Variants in ZNF787 observed in about 807,000 individuals in gnomAD.
ZNF787 encodes the protein zinc finger protein 787.
Under a neutral mutation model 16.9 loss-of-function variants are expected in ZNF787, and 7 were observed. That is an observed-to-expected ratio of 0.42 (90% CI 0.24 to 0.78). The LOEUF is 0.78. Among genes scored for constraint, ZNF787 ranks in the 30% least tolerant of loss-of-function variants. The pLI is 0.30. For missense variants in ZNF787, 551 were observed against 589.3 expected (o/e 0.94, Z 0.67); for synonymous variants, 345 against 270.9 (o/e 1.27, Z -2.69).
intron 1 of ZNF787, among the ~76,000 whole-genome samples, chr19:56,105,087 T>A (rs1986250318): frequency 6.6e-6 from 1 of 151,660 alleles, no homozygotes; most frequent in Admixed American, 6.6e-5. Flanking sequence ...GAGATCACAC[T>A]CCAGCCTGGG....
chr19:56,087,727 T>G lies in ZNF787; in HGVS notation c.*296A>C. The G allele has an allele frequency of 4.2e-6, 1 of 238,070 alleles. No homozygotes were observed. The highest frequency in any genetic ancestry group is 5.9e-5 in the Admixed American group (1 of 16,840). 14.7% of individuals were successfully genotyped at this position (238,070 alleles called of 1,614,324 possible). A position where few individuals can be genotyped will look rare whatever the true frequency, so the allele number is the denominator to read the frequency against. On this transcript the variant is annotated 3_prime_UTR_variant, in exon 3 of 3. Transcript: ENST00000610935. ...GGAAAATGGCCTTCCGCTTGGGGCC[T>G]GGTCGCCACTCGGCCTCTGCAGTTC...
chr19:56,097,509 C>T (rs761515671), intron 2 of ZNF787, among the ~76,000 whole-genome samples: 11 of 152,242 alleles, frequency 7.2e-5, no homozygotes, highest in Non-Finnish European at 1.2e-4. Flanking sequence ...CTCAGCCCGG[C>T]AGGCAGTAGG....
chr19:56,108,909 G>A (rs770820344), intron 1 of ZNF787, among the ~76,000 whole-genome samples: 1 of 152,096 alleles, frequency 6.6e-6, no homozygotes, highest in East Asian at 1.9e-4. Flanking sequence ...AGAGGCTACC[G>A]ACAGGAAAGC....
chr19:56,105,098 C>T lies in ZNF787; in HGVS notation c.-10-1871G>A, dbSNP rs139685229. ...AGGAGAGATCACACTCCAGCCTGGG[C>T]GACAGAGCAAGACTCTGTCTCAAAA... On this transcript the variant is annotated intron_variant, in intron 1 of 2. Coordinates refer to ENST00000610935, the MANE Select transcript of ZNF787 (RefSeq NM_001002836.4). Among the ~76,000 whole-genome samples the T allele has an allele frequency of 6.0e-4, 91 of 151,702 alleles. 2 individuals are homozygous for T. The East Asian group carries it at 0.016, about 27-fold the overall frequency.
chr19:56,118,087 T>C (rs1343381419), intron 1 of ZNF787, among the ~76,000 whole-genome samples: 1 of 152,228 alleles, frequency 6.6e-6, no homozygotes, highest in Non-Finnish European at 1.5e-5. Flanking sequence ...CCGCCCCACC[T>C]GGGCTCAGAG....
At chr19:56,119,601 G>C (rs971291992) in intron 1 of ZNF787, among the ~76,000 whole-genome samples, 4 of 152,234 alleles carry the variant, frequency 2.6e-5, no homozygotes, top group African/African-American at 9.6e-5. Context: ...CCACGAAGGT[G>C]AGTGGTGGGG....
At chr19:56,094,356 TAG>T (rs1475758215) in intron 2 of ZNF787, among the ~76,000 whole-genome samples, 2 of 150,996 alleles carry the variant, frequency 1.3e-5, no homozygotes, top group Non-Finnish European at 3.0e-5. Context: ...GTGCTCTTAG[TAG>T]AGACAGGGTT....
At position 56,087,932 on chromosome 19, in the gene ZNF787, G is replaced by T; in HGVS notation, c.*91C>A. 1.6e-6 allele frequency: 2 copies of T among 1,287,072 alleles called. No individual in the cohort carries two copies. Among genetic ancestry groups the T allele is most frequent in the African/African-American group, 1.6e-5 (1 of 63,162 alleles). 79.7% of individuals were successfully genotyped at this position (1,287,072 alleles called of 1,614,324 possible). A position where few individuals can be genotyped will look rare whatever the true frequency, so the allele number is the denominator to read the frequency against. On this transcript the variant is annotated 3_prime_UTR_variant, in exon 3 of 3. Transcript: ENST00000610935. ...GATGCCGCGGGGTCCATCGCACCCC[G>T]TCCGCTTCTCCCTGGGTCTCTTGGT...
At chr19:56,112,559 C>A (rs1292514985) in intron 1 of ZNF787, among the ~76,000 whole-genome samples, 1 of 149,846 alleles carries the variant, frequency 6.7e-6, no homozygotes. Flanking sequence ...ACCTCCTCCT[C>A]CCCCCGCACT....
chr19:56,099,358 A>G (rs1054285821), intron 2 of ZNF787, among the ~76,000 whole-genome samples: 11 of 152,184 alleles, frequency 7.2e-5, no homozygotes, highest in Non-Finnish European at 7.3e-5. Flanking sequence ...GGGAGGGGAC[A>G]TGGGGACATT....
rs1023296600 is a variant in ZNF787, at chr19:56,087,769, G to A, written c.*254C>T. On this transcript the variant is annotated 3_prime_UTR_variant, in exon 3 of 3. Transcript: ENST00000610935. ...CTGCAGTTCTCTCCATTGTCTCTCC[G>A]GCTCGCAGGCCGATAACTTAGGAAG... The A allele has an allele frequency of 7.1e-5, 32 of 453,614 alleles. No homozygotes were observed. Among genetic ancestry groups the A allele is most frequent in the Non-Finnish European group, 8.6e-5 (26 of 301,038 alleles). 28.1% of individuals were successfully genotyped at this position (453,614 alleles called of 1,614,324 possible). A position where few individuals can be genotyped will look rare whatever the true frequency, so the allele number is the denominator to read the frequency against.
At chr19:56,109,904 G>A (rs1308142919) in intron 1 of ZNF787, among the ~76,000 whole-genome samples, 4 of 151,966 alleles carry the variant, frequency 2.6e-5, no homozygotes, top group South Asian at 4.2e-4. Flanking sequence ...AATAACATTC[G>A]TAAGCTTTTC....
chr19:56,102,762 C>G, intron 2 of ZNF787: 1 of 606,866 alleles, frequency 1.6e-6, no homozygotes, highest in South Asian at 2.0e-5. Context: ...CAGGGAGGGC[C>G]ACAGGCCCGC....
intron 1 of ZNF787, among the ~76,000 whole-genome samples, chr19:56,115,558 C>T (rs1463263798): frequency 6.6e-6 from 1 of 152,028 alleles, no homozygotes; most frequent in African/African-American, 2.4e-5. Context: ...CGGGGATTCA[C>T]CATGTTAGCC....
Position 56,088,994 on chromosome 19 carries a change from G to T in ZNF787, c.178C>A (p.Pro60Thr), listed in dbSNP as rs1295975614. 1.3e-6 allele frequency: 2 copies of T among 1,496,276 alleles called. No individual in the cohort carries two copies. The highest frequency in any genetic ancestry group is 4.7e-5 in the Admixed American group (2 of 42,510). The allele number at this position is 1,496,276 out of a possible 1,614,324, so 92.7% of individuals were successfully genotyped here. ...CAGATGTAGGGGGCGGGCGGCCGCG[G>T]CCGGGGAGGCGGGCCGGCTGGGGGC... ...SAPPAGPPPR[P>T]RPPAPYICNE... The change falls in exon 3 of 3, where the codon CCG (proline) becomes ACG (threonine). Residue 60 changes from proline (P) to threonine (T), a missense_variant. This residue lies in a region of ZNF787 where 80 missense variants were observed against 105.9 expected (regional missense o/e 0.76). Coordinates refer to ENST00000610935, the MANE Select transcript of ZNF787 (RefSeq NM_001002836.4). This position sits in a 1 kb window ranked among gnomAD's most constrained non-coding sequence, Gnocchi z 8.6.
intron 2 of ZNF787, among the ~76,000 whole-genome samples, chr19:56,097,639 C>T (rs56676092): frequency 0.022 from 3,304 of 152,348 alleles, 114 homozygotes; most frequent in African/African-American, 0.075. Flanking sequence ...ATTTTGGTCT[C>T]CTATAAAATC....
chr19:56,116,739 GCA>G (rs1200645231), intron 1 of ZNF787, among the ~76,000 whole-genome samples: 1 of 152,036 alleles, frequency 6.6e-6, no homozygotes, highest in Non-Finnish European at 1.5e-5. Context: ...CGGGGCCTTT[GCA>G]CAGTCCCTTC....
rs1324139482 is a variant in ZNF787 at position 56,106,947 on chromosome 19, GAAC to G, written c.-10-3723_-10-3721del. Among the ~76,000 whole-genome samples, 9 of 152,360 alleles carry G rather than the reference GAAC, an allele frequency of 5.9e-5. No homozygotes were observed. The East Asian group carries it at 1.7e-3, about 29-fold the overall frequency. Reference sequence around the variant, plus strand: ...AGAAGCTCACCACTATCCAGGTACAGAACGGAGCCAGCCCCACTGCAGGGTGCT... The same window carrying G: ...AGAAGCTCACCACTATCCAGGTACAGGGAGCCAGCCCCACTGCAGGGTGCT... On this transcript the variant is annotated intron_variant, in intron 1 of 2. Coordinates refer to ENST00000610935, the MANE Select transcript of ZNF787 (RefSeq NM_001002836.4).
chr19:56,112,202 A>G (rs1445674745), intron 1 of ZNF787, among the ~76,000 whole-genome samples: 1 of 152,048 alleles, frequency 6.6e-6, no homozygotes, highest in Non-Finnish European at 1.5e-5. Flanking sequence ...TCCCTAGGAG[A>G]AGGCCCCCCA....
Sources: gnomAD v4.1 joint callset for allele counts (sites outside exome capture counted in the v4.1 genomes callset) on GRCh38, gnomAD v4.1.1 for gene constraint, gnomAD v4.1.1 regional missense constraint, Gnocchi (gnomAD v3.1) non-coding constraint, MANE v1.5 for transcripts, NCBI Gene and HGNC (gene_info 2026-07-23, HGNC 2026-07-21) for gene names.